The following CACFD1 variants were observed in gnomAD, a reference collection of about 807,000 sequenced individuals.
CACFD1 encodes the protein calcium channel flower domain containing 1.
CACFD1 carries 26 observed loss-of-function variants against 21.3 expected under a neutral mutation model. The ratio of observed to expected loss-of-function variants is 1.22; its 90% confidence interval spans 0.89 to 1.69. The LOEUF (loss-of-function observed/expected upper bound fraction) is 1.69, where lower values mean the gene tolerates loss of function less well. Ranked by LOEUF, CACFD1 falls within the 40% of genes most tolerant of loss-of-function variation. The pLI, the probability that CACFD1 is intolerant of heterozygous loss-of-function variation, is 0.00. For missense variants in CACFD1, 265 were observed against 236.2 expected, an observed-to-expected ratio of 1.12 and a Z score of -0.80; for synonymous variants, 121 against 106.6, an observed-to-expected ratio of 1.13 and a Z score of -0.83.
At chr9:133,468,542 G>A (rs782581786) in intron 4 of CACFD1, 21 bp from the exon 5 acceptor site, 5 of 1,561,610 alleles carry the variant, frequency 3.2e-6, no homozygotes, top group African/African-American at 1.3e-5. Flanking sequence ...TCCACGTGAC[G>A]CTGCCTCTCT....
chr9:133,460,481 G>GGGGGC (rs1843135928), intron 1 of CACFD1, among the ~76,000 whole-genome samples: 1 of 151,154 alleles, frequency 6.6e-6, no homozygotes, highest in East Asian at 1.9e-4. Context: ...CGGCGGGGGC[G>GGGGGC]GGGGTGGGGC....
intron 1 of CACFD1, among the ~76,000 whole-genome samples, chr9:133,460,521 C>T (rs946993633): frequency 2.0e-5 from 2 of 98,880 alleles, no homozygotes; most frequent in African/African-American, 3.0e-5. Context: ...CTGAGCCCTC[C>T]CCCCGCTCCC....
At chr9:133,461,766 C>T (rs2130986636) in intron 1 of CACFD1, 1 of 647,148 alleles carries the variant, frequency 1.5e-6, no homozygotes, top group East Asian at 1.4e-4. Context: ...GTTGCATCTG[C>T]AGATTTTTGG....
At chr9:133,462,404 C>T (rs1843259076) in intron 1 of CACFD1, among the ~76,000 whole-genome samples, 2 of 152,168 alleles carry the variant, frequency 1.3e-5, no homozygotes, top group African/African-American at 2.4e-5. Context: ...CCCTGGGGGC[C>T]CATGAAGCAG....
rs1171526094 is a variant in CACFD1, at chr9:133,465,049, G to T, written c.195-273G>T. On this transcript the variant is annotated intron_variant, in intron 2 of 4. Coordinates refer to ENST00000316948, the MANE Select transcript of CACFD1 (RefSeq NM_017586.5). The surrounding 1 kb of genome is among the most constrained non-coding windows in gnomAD (Gnocchi z 5.0). ...ATGTCACACAGGAGGAGGATAAAGG[G>T]AAGCAGAAGCCCAGGGGCTTCCCTC... is the stretch of plus-strand genomic sequence containing the variant. 2 of 442,650 alleles carry T rather than the reference G, an allele frequency of 4.5e-6. No homozygotes were observed. The highest frequency in any genetic ancestry group is 8.8e-5 in the East Asian group (2 of 22,620). 27.4% of individuals were successfully genotyped at this position (442,650 alleles called of 1,614,324 possible).
intron 3 of CACFD1, among the ~76,000 whole-genome samples, chr9:133,466,527 G>A (rs1843442055): frequency 6.6e-6 from 1 of 152,144 alleles, no homozygotes; most frequent in African/African-American, 2.4e-5. Flanking sequence ...TCAGCTGGAT[G>A]TATCATGCTG....
chr9:133,462,066 G>C, intron 1 of CACFD1: 5 of 1,298,624 alleles, frequency 3.9e-6, no homozygotes, highest in Non-Finnish European at 5.1e-6. Flanking sequence ...ACATCCTCCA[G>C]CCCTTTATTG....
intron 3 of CACFD1, among the ~76,000 whole-genome samples, chr9:133,467,360 G>A (rs138822185): frequency 2.8e-3 from 419 of 152,320 alleles, no homozygotes; most frequent in Middle Eastern, 0.01. Context: ...CGCAGACCCC[G>A]CAGCCTGCAG....
intron 1 of CACFD1, among the ~76,000 whole-genome samples, chr9:133,461,652 C>T (rs964287307): frequency 2.0e-5 from 3 of 152,224 alleles, no homozygotes; most frequent in Non-Finnish European, 4.4e-5. Context: ...AGTTCTGTGC[C>T]TCTCAAAGTG....
Position 133,460,604 on chromosome 9 carries a change from A to G in CACFD1, c.121+417A>G, listed in dbSNP as rs1843158689. Among the ~76,000 whole-genome samples, 2 of 152,056 alleles carry G rather than the reference A, an allele frequency of 1.3e-5. 1 individual carries two copies. Among genetic ancestry groups the G allele is most frequent in the South Asian group, 4.1e-4 (2 of 4,830 alleles). ...CCACCTGGCCCGTACTAAAGCGTCA[A>G]CTGTTGACTTGGGCGTAGGTGACGG... is the stretch of plus-strand genomic sequence containing the variant. On this transcript the variant is annotated intron_variant, in intron 1 of 4. Transcript: ENST00000316948.
At position 133,460,105 on chromosome 9, in the gene CACFD1, C is replaced by T. The variant is rs781873440; in HGVS notation, c.39C>T (p.Ser13=). The change falls in exon 1 of 5, where the codon AGC becomes AGT. Residue 13 remains serine (S), a synonymous_variant. Coordinates refer to ENST00000316948, the MANE Select transcript of CACFD1 (RefSeq NM_017586.5). ...GTGGGGCGCCCGGGGCGTCCGCCAGCTCTGCGCCGCCCGCGCAGGAAGAGG... is the reference window on the plus strand; with the variant it reads ...GTGGGGCGCCCGGGGCGTCCGCCAGTTCTGCGCCGCCCGCGCAGGAAGAGG... ...SSGGAPGASA[S]SAPPAQEEGM... is the part of the protein sequence containing the mutation. 2 of 1,563,752 alleles carry T rather than the reference C, an allele frequency of 1.3e-6. No homozygotes were observed. Among genetic ancestry groups the T allele is most frequent in the Non-Finnish European group, 1.7e-6 (2 of 1,153,748 alleles).
At chr9:133,466,268 G>C (rs1015136836) in intron 3 of CACFD1, among the ~76,000 whole-genome samples, 2 of 152,210 alleles carry the variant, frequency 1.3e-5, no homozygotes, top group Admixed American at 6.5e-5. Flanking sequence ...TTTTAAAAAT[G>C]CTAGACATCA....
chr9:133,460,786 A>T (rs587686345), intron 1 of CACFD1, among the ~76,000 whole-genome samples: 17 of 152,248 alleles, frequency 1.1e-4, no homozygotes, highest in African/African-American at 4.1e-4. Flanking sequence ...CAGTGAGCTG[A>T]GGGCCCGGCC....
rs1843387229 is a variant in CACFD1 at position 133,465,265 on chromosome 9, G to A, written c.195-57G>A. 13 of 1,602,990 alleles carry A rather than the reference G, an allele frequency of 8.1e-6. No homozygotes were observed. The African/African-American group carries it at 1.1e-4, about 13-fold the overall frequency. ...CCTTATGGCACTGGCACTGGGGGCC[G>A]CCCTCATCCTCCTGGGATTGTCAGT... is the stretch of plus-strand genomic sequence containing the variant. On this transcript the variant is annotated intron_variant, in intron 2 of 4. Coordinates refer to ENST00000316948, the MANE Select transcript of CACFD1 (RefSeq NM_017586.5). This position sits in a 1 kb window ranked among gnomAD's most constrained non-coding sequence, Gnocchi z 5.0.
At chr9:133,468,492 C>G (rs782758663) in intron 4 of CACFD1, 71 bp from the exon 5 acceptor site, 51 of 1,543,362 alleles carry the variant, frequency 3.3e-5, no homozygotes, top group Non-Finnish European at 4.4e-5. Flanking sequence ...GGGCAGGAAC[C>G]GGGCAGTGGT....
At chr9:133,463,040 ACTT>A (rs1554798833) in intron 1 of CACFD1, among the ~76,000 whole-genome samples, 1 of 152,042 alleles carries the variant, frequency 6.6e-6, no homozygotes, top group African/African-American at 2.4e-5. Flanking sequence ...GAGTCAGAGG[ACTT>A]CTTGTGTGGC....
chr9:133,461,990 G>C, intron 1 of CACFD1: 2 of 985,384 alleles, frequency 2.0e-6, no homozygotes, highest in Middle Eastern at 5.2e-4. Flanking sequence ...TACCTTGGGA[G>C]GGGACAGGAT....
Position 133,460,146 on chromosome 9 carries a change from ACCG to A in CACFD1, c.82_84del (p.Arg28del). 1 of 1,559,718 alleles carries A rather than the reference ACCG, an allele frequency of 6.4e-7. No individual in the cohort carries two copies. The highest frequency in any genetic ancestry group is 2.4e-5 in the East Asian group (1 of 41,580). ...CAGGAAGAGGGCATGACGTGGTGGT[ACCG>A]CTGGCTGTGTCGCCTGTCTGGGGTG... On this transcript the variant is annotated inframe_deletion, in exon 1 of 5. Coordinates refer to ENST00000316948, the MANE Select transcript of CACFD1 (RefSeq NM_017586.5).
chr9:133,465,689 G>A lies in CACFD1; in HGVS notation c.320+242G>A. On this transcript the variant is annotated intron_variant, in intron 3 of 4. Transcript: ENST00000316948. The surrounding 1 kb of genome is among the most constrained non-coding windows in gnomAD (Gnocchi z 5.0). Reference sequence around the variant, plus strand: ...CACTGGAAGGTTCAGAGGTATATGAGCATGTGTGGCAGCATCCGTGCAGTG... The same window carrying A: ...CACTGGAAGGTTCAGAGGTATATGAACATGTGTGGCAGCATCCGTGCAGTG... The A allele has an allele frequency of 2.0e-6, 1 of 510,210 alleles. No homozygotes were observed. Among genetic ancestry groups the A allele is most frequent in the Admixed American group, 3.7e-5 (1 of 27,170 alleles). 31.6% of individuals were successfully genotyped at this position (510,210 alleles called of 1,614,324 possible). A position where few individuals can be genotyped will look rare whatever the true frequency, so the allele number is the denominator to read the frequency against.
Sources: allele counts gnomAD v4.1 joint callset (sites outside exome capture counted in the v4.1 genomes callset), GRCh38; gene constraint gnomAD v4.1.1; non-coding constraint Gnocchi (gnomAD v3.1); transcripts MANE v1.5; gene names NCBI Gene and HGNC (gene_info 2026-07-23, HGNC 2026-07-21).